The following IL12RB1 variants were observed in gnomAD, a reference collection of about 807,000 sequenced individuals.
The protein encoded by IL12RB1 is interleukin 12 receptor subunit beta 1, also known as interleukin-12 receptor subunit beta-1.
IL12RB1 carries 64 observed loss-of-function variants against 94.4 expected under a neutral mutation model. That is an observed-to-expected ratio of 0.68 (90% CI 0.55 to 0.83). The LOEUF is 0.83. IL12RB1 is among the 40% of genes least tolerant of loss of function. The pLI is 0.00. For synonymous variants in IL12RB1, 362 were observed against 355.5 expected (o/e 1.02, Z -0.21); for missense variants, 814 against 855.6 (o/e 0.95, Z 0.61).
chr19:18,093,096 G>A (rs1007354589), intron 1 of IL12RB1, among the ~76,000 whole-genome samples: 1 of 151,808 alleles, frequency 6.6e-6, no homozygotes, highest in East Asian at 1.9e-4. Context: ...CCTGAGGTCA[G>A]GAGTTTGAGA....
chr19:18,086,707 C>A, intron 1 of IL12RB1, 53 bp downstream of exon 1: 1 of 1,552,984 alleles, frequency 6.4e-7, no homozygotes, highest in Non-Finnish European at 8.8e-7. Flanking sequence ...TCCACACATA[C>A]ACGTGCCTCC....
At chr19:18,081,048 G>A in intron 3 of IL12RB1, 47 bp from the exon 4 acceptor site, 1 of 1,566,704 alleles carries the variant, frequency 6.4e-7, no homozygotes, top group South Asian at 1.1e-5. Flanking sequence ...GGTCCTAGTG[G>A]ACCCCACAGC....
intron 12 of IL12RB1, 118 bp from the exon 13 acceptor site, chr19:18,064,128 C>T (rs771559085): frequency 3.0e-5 from 15 of 500,508 alleles, no homozygotes; most frequent in South Asian, 6.8e-5. Context: ...AAAATCTCTA[C>T]TCTTTCTTTC....
In IL12RB1 at chr19:18,059,998, C is replaced by A; in HGVS notation, c.1879G>T (p.Glu627Ter). The change falls in exon 16 of 17, where the codon GAG becomes TAG. Residue 627 changes from glutamate (E) to a stop codon, truncating the protein, a stop_gained. Transcript: ENST00000593993. LOFTEE classifies it high-confidence loss of function. ...LVVEMSWDKG[E>*]RTEPLEKTEL... ...GTCTTCTCGAGAGGCTCAGTCCTCTCGCCTTTGTCCCAGGACATCTCTACC... is the reference window on the plus strand; with the variant it reads ...GTCTTCTCGAGAGGCTCAGTCCTCTAGCCTTTGTCCCAGGACATCTCTACC... The A allele has an allele frequency of 4.4e-6, 7 of 1,600,842 alleles. No individual in the cohort carries two copies. Among genetic ancestry groups the A allele is most frequent in the Non-Finnish European group, 6.0e-6 (7 of 1,170,672 alleles).
At chr19:18,078,543 T>C (rs62121129) in intron 4 of IL12RB1, among the ~76,000 whole-genome samples, 11,744 of 151,894 alleles carry the variant, frequency 0.077, 636 homozygotes, top group East Asian at 0.22. Context: ...ACGGGCACTT[T>C]TGTAAATTGC....
chr19:18,097,730 C>A, intron 1 of IL12RB1: 3 of 1,099,546 alleles, frequency 2.7e-6, no homozygotes, highest in South Asian at 4.5e-5. Context: ...TGGCACCTGG[C>A]GGCGGGGCCT....
intron 12 of IL12RB1, 124 bp from the exon 13 acceptor site, chr19:18,064,134 C>CT (rs202141133): frequency 0.025 from 10,232 of 413,764 alleles, 1 homozygote; most frequent in Non-Finnish European, 0.03. Context: ...TCTACTCTTT[C>CT]TTTCTTTTTT....
At chr19:18,066,939 A>C (rs17878401) in intron 11 of IL12RB1, among the ~76,000 whole-genome samples, 16,112 of 151,598 alleles carry the variant, frequency 0.11, 949 homozygotes, top group East Asian at 0.25. Context: ...AGGCAGGAGA[A>C]TCACTTGAGC....
intron 8 of IL12RB1, 102 bp downstream of exon 8, chr19:18,073,415 A>T: frequency 1.3e-6 from 1 of 772,602 alleles, no homozygotes; most frequent in Non-Finnish European, 2.3e-6. Context: ...CCACCTCTAC[A>T]TCTCATCTCC....
intron 1 of IL12RB1, among the ~76,000 whole-genome samples, chr19:18,098,029 C>T (rs145034634): frequency 6.6e-6 from 1 of 152,188 alleles, no homozygotes; most frequent in East Asian, 1.9e-4. Flanking sequence ...AAGGTGCCCC[C>T]TTGGACATCT....
chr19:18,083,126 TGGGGGG>T, intron 2 of IL12RB1: 1 of 445,672 alleles, frequency 2.2e-6, no homozygotes, highest in South Asian at 2.7e-5. Flanking sequence ...TTTATCAGGT[TGGGGGG>T]GGGGCTTCAA....
chr19:18,070,711 G>C (rs1011519842), intron 9 of IL12RB1: 1 of 167,158 alleles, frequency 6.0e-6, no homozygotes, highest in Non-Finnish European at 1.2e-5. Context: ...GGTGGAGATG[G>C]GTGGATCACT....
intron 6 of IL12RB1, 92 bp from the exon 7 acceptor site, chr19:18,075,960 T>G: frequency 7.8e-7 from 1 of 1,284,972 alleles, no homozygotes; most frequent in South Asian, 1.2e-5. Context: ...GAGCTCCAAC[T>G]GTGTACAGAG....
intron 1 of IL12RB1, chr19:18,097,950 G>T: frequency 1.5e-5 from 12 of 783,362 alleles, no homozygotes; most frequent in Non-Finnish European, 1.9e-5. Flanking sequence ...CAGAGGGTGG[G>T]GAACGCTCAG....
At chr19:18,078,274 G>T (rs1305263400) in intron 4 of IL12RB1, among the ~76,000 whole-genome samples, 5 of 152,064 alleles carry the variant, frequency 3.3e-5, no homozygotes. Flanking sequence ...AGGCATGGTG[G>T]TGGGCACCTG....
At chr19:18,063,100 TTTTTTTTTTTTTTG>T in intron 13 of IL12RB1, among the ~76,000 whole-genome samples, 1 of 115,198 alleles carries the variant, frequency 8.7e-6, no homozygotes, top group Admixed American at 9.0e-5. Context: ...TTTTTTTTTT[TTTTTTTTTTTTTTG>T]AGACAGGGTC....
chr19:18,097,940 C>A, intron 1 of IL12RB1: 1 of 870,908 alleles, frequency 1.1e-6, no homozygotes, highest in Non-Finnish European at 1.5e-6. Context: ...GAAACTGAGG[C>A]AGAGGGTGGG....
intron 4 of IL12RB1, 40 bp downstream of exon 4, chr19:18,080,792 T>G (rs1262380876): frequency 7.0e-7 from 1 of 1,432,918 alleles, no homozygotes; most frequent in Admixed American, 1.7e-5. Context: ...TGATGGCCTC[T>G]CTGGGTAAAA....
chr19:18,088,222 C>G (rs1260790068), upstream of IL12RB1, among the ~76,000 whole-genome samples: 1 of 151,856 alleles, frequency 6.6e-6, no homozygotes, highest in Non-Finnish European at 1.5e-5. Flanking sequence ...CCTGTCTCTA[C>G]TGAAAATACA....
Sources: gnomAD v4.1 joint callset for allele counts (sites outside exome capture counted in the v4.1 genomes callset) on GRCh38, gnomAD v4.1.1 for gene constraint, MANE v1.5 for transcripts, NCBI Gene and HGNC (gene_info 2026-07-23, HGNC 2026-07-21) for gene names.